AKAP13: variants seen among roughly 807,000 people sequenced by gnomAD.
The protein encoded by AKAP13 is A-kinase anchoring protein 13, also known as A-kinase anchor protein 13.
AKAP13 carries 80 observed loss-of-function variants against 264.5 expected under a neutral mutation model. The observed-to-expected ratio is 0.30, with a 90% confidence interval of 0.25 to 0.36. The LOEUF is 0.36. Ranked by LOEUF, AKAP13 falls within the 10% of genes least tolerant of loss-of-function variation. AKAP13 has a pLI of 1.00. For synonymous variants in AKAP13, 1,380 were observed against 1,250.2 expected (o/e 1.10, Z -2.19); for missense variants, 3,712 against 3,435.2 (o/e 1.08, Z -2.01).
intron 1 of AKAP13, among the ~76,000 whole-genome samples, chr15:85,440,054 G>C (rs1171174150): frequency 6.6e-6 from 1 of 151,966 alleles, no homozygotes; most frequent in Non-Finnish European, 1.5e-5. Context: ...TACTGTAAAG[G>C]AAAAAGAACA....
Position 85,581,651 on chromosome 15 carries a change from CT to C in AKAP13, c.3584del (p.Leu1195ProfsTer18). On this transcript the variant is annotated frameshift_variant, in exon 7 of 37. Coordinates refer to ENST00000394518, the MANE Select transcript of AKAP13 (RefSeq NM_007200.5). LOFTEE classifies it high-confidence loss of function. Reference protein sequence around the residue: ...PVLLQPVAKELPTDMELSAHD... With the variant: ...PVLLQPVAKEXPTDMELSAHD... The stretch of plus-strand genomic sequence containing the variant: ...CCTACTGCAGCCTGTTGCCAAGGAG[CT>C]CCCCACAGACATGGAGCTCTCAGCC... 6.2e-7 allele frequency: 1 copy of C among 1,614,154 alleles called. No individual in the cohort carries two copies. The highest frequency in any genetic ancestry group is 8.5e-7 in the Non-Finnish European group (1 of 1,180,044).
intron 1 of AKAP13, among the ~76,000 whole-genome samples, chr15:85,384,642 G>T (rs552684317): frequency 6.6e-6 from 1 of 151,750 alleles, no homozygotes; most frequent in African/African-American, 2.4e-5. Flanking sequence ...GCTTGAACCC[G>T]GGAGGTGGAG....
rs1373047649 is a variant in AKAP13, at chr15:85,684,958, TG to T, written c.5289+89del. Reference sequence around the variant, plus strand: ...ATTCACACCAAAACTGGTTAAATCATGGGGACATAAATGGAAATAAATTCAG... The same window carrying T: ...ATTCACACCAAAACTGGTTAAATCATGGGACATAAATGGAAATAAATTCAG... On this transcript the variant is annotated intron_variant, in intron 16 of 36. Coordinates refer to ENST00000394518, the MANE Select transcript of AKAP13 (RefSeq NM_007200.5). The T allele has an allele frequency of 3.5e-6, 5 of 1,444,022 alleles. No individual in the cohort carries two copies. The African/African-American group carries it at 7.1e-5, about 21-fold the overall frequency. The allele number at this position is 1,444,022 out of a possible 1,614,324, so 89.5% of individuals were successfully genotyped here.
chr15:85,730,456 C>T, intron 29 of AKAP13, 57 bp from the exon 30 acceptor site: 1 of 1,548,388 alleles, frequency 6.5e-7, no homozygotes, highest in Non-Finnish European at 8.8e-7. Context: ...GTGTCTTAGT[C>T]ATTCTCGTAA....
At chr15:85,598,902 T>C (rs1022538201) in intron 8 of AKAP13, among the ~76,000 whole-genome samples, 1 of 152,214 alleles carries the variant, frequency 6.6e-6, no homozygotes, top group African/African-American at 2.4e-5. Context: ...TGCCTTAAAA[T>C]AGGGGGTCAG....
intron 3 of AKAP13, among the ~76,000 whole-genome samples, chr15:85,528,208 C>G (rs2077142555): frequency 6.6e-6 from 1 of 152,194 alleles, no homozygotes; most frequent in African/African-American, 2.4e-5. Flanking sequence ...ACCTCGCACA[C>G]ACACACCTCC....
At chr15:85,389,263 T>G (rs945338837) in intron 1 of AKAP13, among the ~76,000 whole-genome samples, 2 of 152,218 alleles carry the variant, frequency 1.3e-5, no homozygotes, top group African/African-American at 4.8e-5. Flanking sequence ...TTCAAACTCC[T>G]TAGCCTTCCC....
intron 12 of AKAP13, among the ~76,000 whole-genome samples, chr15:85,663,183 G>T (rs1180220165): frequency 1.3e-5 from 2 of 152,084 alleles, no homozygotes; most frequent in Non-Finnish European, 2.9e-5. Context: ...GGTAGCAGGT[G>T]CCTGTAATCC....
At chr15:85,431,551 G>A (rs2150925621) in intron 1 of AKAP13, among the ~76,000 whole-genome samples, 1 of 152,286 alleles carries the variant, frequency 6.6e-6, no homozygotes, top group East Asian at 1.9e-4. Context: ...AATCAAAGAG[G>A]TATTAAATGG....
chr15:85,666,887 G>C (rs2083633943), intron 13 of AKAP13, among the ~76,000 whole-genome samples: 1 of 152,132 alleles, frequency 6.6e-6, no homozygotes, highest in African/African-American at 2.4e-5. Context: ...AATCCCTTGG[G>C]GAGCTTTTGA....
At position 85,579,753 on chromosome 15, in the gene AKAP13, C is replaced by G. The variant is rs377580704; in HGVS notation, c.1685C>G (p.Thr562Ser). 1 of 1,614,222 alleles carries G rather than the reference C, an allele frequency of 6.2e-7. No individual in the cohort carries two copies. The highest frequency in any genetic ancestry group is 2.2e-5 in the East Asian group (1 of 44,890). ...GCATTTAGTAATGAAGAAACCTCCA[C>G]TGAAAAAACAGCAGAAACGGAAACT... ...SLAFSNEETS[T>S]EKTAETETSR... Residue 562 changes from threonine (T) to serine (S), a missense_variant, in exon 7 of 37, where the codon ACT becomes AGT. Physicochemically the swap from Thr to Ser is moderately conservative, Grantham distance 58. Transcript: ENST00000394518.
chr15:85,397,595 A>G (rs138657564), intron 1 of AKAP13, among the ~76,000 whole-genome samples: 28 of 152,318 alleles, frequency 1.8e-4, no homozygotes, highest in African/African-American at 4.8e-4. Context: ...TTATTGATCT[A>G]TTGGTAGCTA....
chr15:85,662,935 G>GGAAACCC (rs1412010733), intron 12 of AKAP13, among the ~76,000 whole-genome samples: 10 of 152,200 alleles, frequency 6.6e-5, no homozygotes, highest in Non-Finnish European at 1.3e-4. Flanking sequence ...AAGTTTTGCA[G>GGAAACCC]TAAGCATAGA....
chr15:85,640,975 A>G (rs544187629), intron 9 of AKAP13, among the ~76,000 whole-genome samples: 2 of 152,224 alleles, frequency 1.3e-5, no homozygotes, highest in Non-Finnish European at 2.9e-5. Context: ...TAGAGTAATT[A>G]TTGTAAAATC....
intron 33 of AKAP13, among the ~76,000 whole-genome samples, chr15:85,739,897 G>A (rs964159823): frequency 9.9e-5 from 15 of 152,060 alleles, no homozygotes; most frequent in African/African-American, 3.6e-4. Flanking sequence ...AAATTGTTAT[G>A]AGAAGTTTCT....
At chr15:85,469,694 A>G (rs1304986299) in intron 1 of AKAP13, among the ~76,000 whole-genome samples, 1 of 152,234 alleles carries the variant, frequency 6.6e-6, no homozygotes, top group African/African-American at 2.4e-5. Flanking sequence ...TGGCCAGAAC[A>G]CATTAGACCC....
chr15:85,707,156 C>T (rs899940787), intron 17 of AKAP13, among the ~76,000 whole-genome samples: 1 of 152,094 alleles, frequency 6.6e-6, no homozygotes, highest in African/African-American at 2.4e-5. Context: ...CCCCACAGGC[C>T]GATCTTTCAT....
Position 85,391,844 on chromosome 15 carries a change from G to A in AKAP13, c.-12+11046G>A, listed in dbSNP as rs111557143. On this transcript the variant is annotated intron_variant, in intron 1 of 36. Coordinates refer to ENST00000394518, the MANE Select transcript of AKAP13 (RefSeq NM_007200.5). The stretch of plus-strand genomic sequence containing the variant: ...TTGTCACCCAGGCTGGAGTGCAGCG[G>A]TGCGATCTCGGCTCACTGCAACCTC... Among the ~76,000 whole-genome samples the A allele has an allele frequency of 5.7e-4, 87 of 152,120 alleles. No individual in the cohort carries two copies. In the Middle Eastern group the frequency reaches 0.017, roughly 30 times the overall value.
intron 29 of AKAP13, among the ~76,000 whole-genome samples, chr15:85,730,296 A>G (rs1183225048): frequency 3.3e-5 from 5 of 152,192 alleles, no homozygotes; most frequent in African/African-American, 9.7e-5. Context: ...CACAATTTCC[A>G]TGGTTTGCCA....
Sources: gnomAD v4.1 joint callset for allele counts (sites outside exome capture counted in the v4.1 genomes callset) on GRCh38, gnomAD v4.1.1 for gene constraint, MANE v1.5 for transcripts, NCBI Gene and HGNC (gene_info 2026-07-23, HGNC 2026-07-21) for gene names.